CYP2C19: variants seen among roughly 807,000 people sequenced by gnomAD.
CYP2C19 encodes the protein cytochrome P450 2C19.
In CYP2C19, 59 loss-of-function variants were observed where a neutral mutation model predicts 40.9. That is an observed-to-expected ratio of 1.44 (90% CI 1.17 to 1.79). The LOEUF is 1.79. Ranked by LOEUF, CYP2C19 falls within the 40% of genes most tolerant of loss-of-function variation. The probability of loss-of-function intolerance (pLI) is 0.00; values close to 1 mark genes in which losing one functional copy is unlikely to be tolerated. For synonymous variants in CYP2C19, 253 were observed against 208.7 expected (o/e 1.21, Z -1.83); for missense variants, 754 against 596.9 (o/e 1.26, Z -2.74).
intron 5 of CYP2C19, among the ~76,000 whole-genome samples, chr10:94,819,016 G>C (rs1238253636): frequency 4.0e-5 from 6 of 149,370 alleles, no homozygotes; most frequent in Admixed American, 1.3e-4. Context: ...AAATGTAAAA[G>C]AACAGAAATT....
At chr10:94,795,849 T>C (rs528218818) in intron 5 of CYP2C19, among the ~76,000 whole-genome samples, 2 of 130,088 alleles carry the variant, frequency 1.5e-5, no homozygotes, top group Non-Finnish European at 3.4e-5. Context: ...TTTGATGGGG[T>C]TTTTTTTCTT....
intron 6 of CYP2C19, among the ~76,000 whole-genome samples, chr10:94,826,998 C>A (rs982438724): frequency 7.2e-5 from 11 of 152,082 alleles, no homozygotes; most frequent in Non-Finnish European, 2.9e-5. Flanking sequence ...AGCCTTGCAT[C>A]CCAGGGATGA....
At chr10:94,763,492 G>A (rs1303119983) in intron 1 of CYP2C19, among the ~76,000 whole-genome samples, 3 of 152,040 alleles carry the variant, frequency 2.0e-5, no homozygotes, top group Admixed American at 6.6e-5. Context: ...TAAGCATTAC[G>A]GTTTTTTCTT....
intron 6 of CYP2C19, among the ~76,000 whole-genome samples, chr10:94,828,183 T>G (rs1254113638): frequency 6.6e-6 from 1 of 152,170 alleles, no homozygotes; most frequent in Admixed American, 6.5e-5. Flanking sequence ...TTAGGTCCGC[T>G]TGGTGCAGAC....
intron 1 of CYP2C19, chr10:94,773,848 C>G (rs976414920): frequency 1.3e-5 from 2 of 152,160 alleles, no homozygotes; most frequent in South Asian, 4.1e-4. Context: ...GGGACCTGAG[C>G]AGGTTGCCAC....
intron 5 of CYP2C19, among the ~76,000 whole-genome samples, chr10:94,799,988 C>G (rs1848741670): frequency 6.6e-6 from 1 of 152,148 alleles, no homozygotes; most frequent in Non-Finnish European, 1.5e-5. Context: ...TACCGACATT[C>G]TGAAGCCTAC....
intron 6 of CYP2C19, among the ~76,000 whole-genome samples, chr10:94,838,658 G>T (rs1012352681): frequency 1.3e-5 from 2 of 152,052 alleles, no homozygotes; most frequent in Admixed American, 6.5e-5. Context: ...GTTGAAGGGG[G>T]ATCCTTGTTA....
intron 6 of CYP2C19, among the ~76,000 whole-genome samples, chr10:94,824,301 G>A (rs1456909961): frequency 1.3e-5 from 2 of 151,972 alleles, no homozygotes; most frequent in East Asian, 3.9e-4. Context: ...AGGTGAACAT[G>A]GAGATTAAAA....
chr10:94,847,363 T>C (rs985485652), intron 7 of CYP2C19, among the ~76,000 whole-genome samples: 1 of 152,182 alleles, frequency 6.6e-6, no homozygotes, highest in Non-Finnish European at 1.5e-5. Flanking sequence ...TTGCTGAGAA[T>C]GATGGTTTCC....
At chr10:94,772,543 G>A (rs1038092940) in intron 1 of CYP2C19, among the ~76,000 whole-genome samples, 7 of 152,148 alleles carry the variant, frequency 4.6e-5, no homozygotes, top group Non-Finnish European at 7.4e-5. Context: ...TCTCTCTTGG[G>A]TGACATGACT....
chr10:94,852,689 G>A (rs376807327), intron 8 of CYP2C19, 44 bp from the exon 9 acceptor site: 82 of 1,598,324 alleles, frequency 5.1e-5, no homozygotes, highest in Non-Finnish European at 6.0e-5. Flanking sequence ...CACTCTCACA[G>A]TTACACATGA....
chr10:94,764,926 C>T (rs760736391), intron 1 of CYP2C19, among the ~76,000 whole-genome samples: 3 of 152,030 alleles, frequency 2.0e-5, no homozygotes, highest in Non-Finnish European at 2.9e-5. Flanking sequence ...GAAGCCATTT[C>T]CTGTAAACAC....
chr10:94,794,499 G>A (rs1165527678), intron 5 of CYP2C19, among the ~76,000 whole-genome samples: 2 of 152,234 alleles, frequency 1.3e-5, no homozygotes, highest in South Asian at 2.1e-4. Flanking sequence ...TCCCAGTATG[G>A]CCATTTTCTC....
In CYP2C19 at chr10:94,826,472, T is replaced by A. The variant is rs528112352; in HGVS notation, c.961+5835T>A. The stretch of plus-strand genomic sequence containing the variant: ...TGGCACTCTGTTTGTCTATTGTTGG[T>A]GTATAAGAATGCTTGTGATTTTTGT... On this transcript the variant is annotated intron_variant, in intron 6 of 8. Transcript: ENST00000371321. 2.0e-5 allele frequency among the ~76,000 whole-genome samples: 3 copies of A among 152,338 alleles called. No homozygotes were observed. In the East Asian group the frequency reaches 5.8e-4, roughly 29 times the overall value.
chr10:94,852,822 C>T lies in CYP2C19; in HGVS notation c.1381C>T (p.Leu461=), dbSNP rs147052245. Reference sequence around the variant, plus strand: ...TTTACAGAACTTTAACCTGAAATCTCTGATTGACCCAAAGGACCTTGACAC... The same window carrying T: ...TTTACAGAACTTTAACCTGAAATCTTTGATTGACCCAAAGGACCTTGACAC... ...FILQNFNLKS[L]IDPKDLDTTP... Residue 461 remains leucine (L), a synonymous_variant, in exon 9 of 9, where the codon CTG becomes TTG. Coordinates refer to ENST00000371321, the MANE Select transcript of CYP2C19 (RefSeq NM_000769.4). The T allele has an allele frequency of 6.2e-6, 10 of 1,614,054 alleles. No individual in the cohort carries two copies. In the East Asian group the frequency reaches 2.2e-4, roughly 36 times the overall value.
At chr10:94,774,150 C>A (rs1391967317) in intron 1 of CYP2C19, 1 of 152,122 alleles carries the variant, frequency 6.6e-6, no homozygotes, top group Non-Finnish European at 1.5e-5. Flanking sequence ...ATGGCTTCAC[C>A]TCTCAGTTTA....
intron 5 of CYP2C19, among the ~76,000 whole-genome samples, chr10:94,817,058 T>C (rs1190346720): frequency 7.5e-5 from 10 of 133,704 alleles, no homozygotes; most frequent in Non-Finnish European, 1.6e-4. Flanking sequence ...TGTGTCTTTA[T>C]AGCAGCATGA....
intron 5 of CYP2C19, among the ~76,000 whole-genome samples, chr10:94,812,238 A>G (rs191965630): frequency 6.3e-4 from 96 of 152,270 alleles, no homozygotes; most frequent in Non-Finnish European, 1.1e-3. Context: ...TTCTCCAGAG[A>G]GATATGCTGT....
At chr10:94,842,702 A>C in intron 6 of CYP2C19, 135 bp from the exon 7 acceptor site, 1 of 999,682 alleles carries the variant, frequency 1.0e-6, no homozygotes, top group Non-Finnish European at 1.5e-6. Flanking sequence ...TTTAAGTTAC[A>C]CATACTTCCA....
Sources: gnomAD v4.1 joint callset for allele counts (sites outside exome capture counted in the v4.1 genomes callset) on GRCh38, gnomAD v4.1.1 for gene constraint, MANE v1.5 for transcripts, NCBI Gene and HGNC (gene_info 2026-07-23, HGNC 2026-07-21) for gene names.